Variants in NAE1 observed in about 807,000 individuals in gnomAD.
The protein encoded by NAE1 is NEDD8 activating enzyme E1 subunit 1.
Under a neutral mutation model 88.0 loss-of-function variants are expected in NAE1, and 59 were observed. The observed-to-expected ratio is 0.67, with a 90% CI of 0.54 to 0.83. NAE1 has a LOEUF of 0.83. NAE1 is among the 40% of genes least tolerant of loss of function. NAE1 has a pLI of 0.00. For missense variants in NAE1, 554 were observed against 632.8 expected (o/e 0.88, Z 1.34); for synonymous variants, 186 against 208.9 (o/e 0.89, Z 0.95).
At position 66,813,794 on chromosome 16, in the gene NAE1, G is replaced by C. The variant is rs1337410675; in HGVS notation, c.893C>G (p.Thr298Ser). The stretch of plus-strand genomic sequence containing the variant: ...TACTTTTGTTGTTGTTACCTGTTTG[G>C]TGATATTTATGCAGCGATCATCATT... ...IFNDDRCINI[T>S]KQTPSFWILA... Residue 298 changes from threonine to serine, a missense_variant, in exon 12 of 20, where the codon ACC becomes AGC. By Grantham distance (58) the Thr-to-Ser change is moderately conservative. Coordinates refer to ENST00000290810, the MANE Select transcript of NAE1 (RefSeq NM_003905.4). 3 of 1,613,748 alleles carry C rather than the reference G, an allele frequency of 1.9e-6. No individual in the cohort carries two copies. Among genetic ancestry groups the C allele is most frequent in the Non-Finnish European group, 8.5e-7 (1 of 1,179,818 alleles).
At position 66,826,788 on chromosome 16, in the gene NAE1, A is replaced by G. The variant is rs1415444096; in HGVS notation, c.54-8T>C. The G allele has an allele frequency of 6.3e-7, 1 of 1,581,328 alleles. No individual in the cohort carries two copies. The highest frequency in any genetic ancestry group is 1.4e-5 in the African/African-American group (1 of 72,982). Reference sequence around the variant, plus strand: ...CCATGATCACCCCACAACCTACAAAACAGACACAAATTTGATGTTTTTAAA... The same window carrying G: ...CCATGATCACCCCACAACCTACAAAGCAGACACAAATTTGATGTTTTTAAA... On this transcript the variant is annotated splice_region_variant and splice_polypyrimidine_tract_variant and intron_variant, in intron 1 of 19. Coordinates refer to ENST00000290810, the MANE Select transcript of NAE1 (RefSeq NM_003905.4).
Position 66,826,713 on chromosome 16 carries a change from T to C in NAE1, c.121A>G (p.Thr41Ala). The C allele has an allele frequency of 6.2e-7, 1 of 1,614,208 alleles. No homozygotes were observed. Among genetic ancestry groups the C allele is most frequent in the Non-Finnish European group, 8.5e-7 (1 of 1,180,030 alleles). Residue 41 changes from threonine to alanine, a missense_variant, in exon 2 of 20, where the codon ACA becomes GCA. Thr to Ala is a moderately conservative substitution (Grantham distance 58). Transcript: ENST00000290810. ...AHVCLINATA[T>A]GTEILKNLVL... ...AAGTTTTTAAGAATTTCAGTTCCTG[T>C]GGCTGTTGCATTTATTAGGCAAACA...
Position 66,830,912 on chromosome 16 carries a change from C to G in NAE1, c.-13G>C, listed in dbSNP as rs1235814924. 6.5e-6 allele frequency: 10 copies of G among 1,531,912 alleles called. No individual in the cohort carries two copies. The South Asian group carries it at 1.1e-4, about 16-fold the overall frequency. 94.9% of individuals were successfully genotyped at this position (1,531,912 alleles called of 1,614,324 possible). ...CCAGCTGCGCCATGGCCGCGCCTGC[C>G]GCGCGGAAAACAGCCGAGCCCCTGC... On this transcript the variant is annotated 5_prime_UTR_variant, in exon 1 of 20. Coordinates refer to ENST00000290810, the MANE Select transcript of NAE1 (RefSeq NM_003905.4).
chr16:66,830,815 G>T, intron 1 of NAE1, 32 bp downstream of exon 1: 1 of 1,508,714 alleles, frequency 6.6e-7, no homozygotes, highest in South Asian at 1.2e-5. Flanking sequence ...AAGCCCGCCG[G>T]CCCGCCCTCG....
chr16:66,824,666 A>G (rs1282938428), intron 4 of NAE1, 189 bp downstream of exon 4: 1 of 498,144 alleles, frequency 2.0e-6, no homozygotes, highest in South Asian at 2.7e-5. Flanking sequence ...GATGCAATGT[A>G]TAAACACAGA....
intron 19 of NAE1, among the ~76,000 whole-genome samples, chr16:66,804,984 AACTG>A (rs1959506754): frequency 6.6e-6 from 1 of 152,180 alleles, no homozygotes. Context: ...CAGCAGCCCA[AACTG>A]ACTAAGACAA....
chr16:66,826,387 T>C, intron 3 of NAE1, 136 bp downstream of exon 3: 2 of 764,154 alleles, frequency 2.6e-6, no homozygotes, highest in Non-Finnish European at 4.2e-6. Flanking sequence ...ACCTATATTA[T>C]CTCACTTCCT....
At chr16:66,829,556 C>G (rs1357551310) in intron 1 of NAE1, among the ~76,000 whole-genome samples, 1 of 152,206 alleles carries the variant, frequency 6.6e-6, no homozygotes, top group African/African-American at 2.4e-5. Context: ...CCTAAAGCCT[C>G]TACTACAGCA....
intron 3 of NAE1, 30 bp downstream of exon 3, chr16:66,826,493 G>A (rs772588689): frequency 5.0e-6 from 8 of 1,609,924 alleles, no homozygotes; most frequent in South Asian, 2.2e-5. Flanking sequence ...CTTCCTTAAC[G>A]TGAATATATT....
intron 16 of NAE1, 64 bp from the exon 17 acceptor site, chr16:66,808,677 T>A: frequency 8.7e-7 from 1 of 1,150,902 alleles, no homozygotes; most frequent in Non-Finnish European, 1.3e-6. Flanking sequence ...AATGAAGGGC[T>A]GAATTTACTA....
chr16:66,815,851 TG>T lies in NAE1; in HGVS notation c.840+729del, dbSNP rs1380448146. 3.3e-5 allele frequency among the ~76,000 whole-genome samples: 5 copies of T among 151,322 alleles called. No homozygotes were observed. The East Asian group carries it at 9.9e-4, about 30-fold the overall frequency. On this transcript the variant is annotated intron_variant, in intron 11 of 19. Transcript: ENST00000290810. ...TAATTTTTTGTATTTTTAATAGAGA[TG>T]GGGTTTCACCATGTTGGCCAGGCTC...
intron 10 of NAE1, 131 bp downstream of exon 10, chr16:66,816,834 T>C: frequency 1.4e-6 from 2 of 1,444,314 alleles, no homozygotes; most frequent in East Asian, 2.3e-5. Flanking sequence ...GCTTCTTAAC[T>C]TCTCCAGAAG....
intron 1 of NAE1, among the ~76,000 whole-genome samples, chr16:66,828,827 T>C (rs1212555050): frequency 6.7e-6 from 1 of 150,324 alleles, no homozygotes. Flanking sequence ...CTAAAACAGT[T>C]AGCTAAGCAT....
At position 66,821,552 on chromosome 16, in the gene NAE1, G is replaced by A; in HGVS notation, c.409C>T (p.Leu137=). The A allele has an allele frequency of 6.4e-7, 1 of 1,572,084 alleles. No individual in the cohort carries two copies. Among genetic ancestry groups the A allele is most frequent in the Non-Finnish European group, 8.6e-7 (1 of 1,165,914 alleles). ...VATQLPESTS[L]RLADVLWNSQ... ...TTCCAGAGGACATCTGCTAAGCGTA[G>A]TGAAGTGCTGTTTAAAAAAAAAAAG... The change falls in exon 7 of 20, where the codon CTA becomes TTA. Residue 137 remains leucine (L), a synonymous_variant. Transcript: ENST00000290810.
chr16:66,805,115 G>C (rs1246702523), intron 19 of NAE1, among the ~76,000 whole-genome samples: 1 of 152,066 alleles, frequency 6.6e-6, no homozygotes, highest in East Asian at 1.9e-4. Flanking sequence ...ATATTTTTAA[G>C]GCAAATAGGC....
intron 9 of NAE1, 189 bp from the exon 10 acceptor site, chr16:66,817,217 T>C (rs1960080613): frequency 2.2e-6 from 2 of 903,008 alleles, no homozygotes; most frequent in Non-Finnish European, 3.3e-6. Context: ...CCTGCCAGTT[T>C]CATAATGACA....
At chr16:66,803,994 T>C (rs1386281880) in intron 19 of NAE1, among the ~76,000 whole-genome samples, 1 of 152,138 alleles carries the variant, frequency 6.6e-6, no homozygotes, top group Non-Finnish European at 1.5e-5. Flanking sequence ...CTCATGCTAC[T>C]TTTTAGCAGC....
At chr16:66,815,073 A>G (rs772309354) in intron 11 of NAE1, among the ~76,000 whole-genome samples, 1 of 151,964 alleles carries the variant, frequency 6.6e-6, no homozygotes, top group Non-Finnish European at 1.5e-5. Flanking sequence ...CCTATGTACA[A>G]TTGTCTCTCA....
At chr16:66,812,594 T>C (rs922678416) in intron 13 of NAE1, among the ~76,000 whole-genome samples, 6 of 146,280 alleles carry the variant, frequency 4.1e-5, no homozygotes, top group South Asian at 2.3e-4. Context: ...CTTGGCTCAC[T>C]GCAACCTCCG....
Sources: allele counts gnomAD v4.1 joint callset (sites outside exome capture counted in the v4.1 genomes callset), GRCh38; gene constraint gnomAD v4.1.1; transcripts MANE v1.5; gene names NCBI Gene and HGNC (gene_info 2026-07-23, HGNC 2026-07-21).